The following OARD1 variants were observed in gnomAD, a reference collection of about 807,000 sequenced individuals.
OARD1 encodes O-acyl-ADP-ribose deacylase 1, also known as ADP-ribose glycohydrolase OARD1.
A neutral mutation model predicts 19.7 loss-of-function variants in OARD1; 19 were observed. The ratio of observed to expected loss-of-function variants is 0.96; its 90% CI spans 0.67 to 1.41. OARD1 has a LOEUF of 1.41. Ranked by LOEUF, OARD1 falls within the 40% of genes most tolerant of loss-of-function variation. The pLI is 0.00. For synonymous variants in OARD1, 70 were observed against 61.8 expected (o/e 1.13, Z -0.62); for missense variants, 190 against 183.8 (o/e 1.03, Z -0.20).
chr6:41,072,127 C>T, intron 1 of OARD1, 109 bp downstream of exon 1: 1 of 155,206 alleles, frequency 6.4e-6, no homozygotes, highest in Non-Finnish European at 1.4e-5. Context: ...GAGCCCCAGG[C>T]GTGGGGAAAG....
At chr6:41,090,124 T>A in intron 1 of OARD1, 4 of 676,514 alleles carry the variant, frequency 5.9e-6, no homozygotes, top group Admixed American at 5.8e-5. Context: ...AAAAAAATAA[T>A]TTTTTTTTTT....
intron 1 of OARD1, chr6:41,092,863 A>G (rs374109965): frequency 8.1e-5 from 125 of 1,551,166 alleles, no homozygotes; most frequent in Non-Finnish European, 8.9e-5. Flanking sequence ...AACTGTTTCT[A>G]TGTCCATACT....
At position 41,067,085 on chromosome 6, in the gene OARD1, G is replaced by C. The variant is rs1763048997; in HGVS notation, c.*250C>G. The C allele has an allele frequency of 3.8e-6, 1 of 260,344 alleles. No homozygotes were observed. The allele number at this position is 260,344 out of a possible 1,614,324, so 16.1% of individuals were successfully genotyped here. A position where few individuals can be genotyped will look rare whatever the true frequency, so the allele number is the denominator to read the frequency against. ...AAAAGGTCATAGTCCCGACAATCTG[G>C]TTTCCCTGCCTATTATCAAGCCACC... On this transcript the variant is annotated 3_prime_UTR_variant, in exon 6 of 6. Coordinates refer to ENST00000424266, the MANE Select transcript of OARD1 (RefSeq NM_001329686.2).
At chr6:41,089,680 C>T (rs1034215813) in intron 1 of OARD1, 10 of 1,612,594 alleles carry the variant, frequency 6.2e-6, no homozygotes, top group Non-Finnish European at 7.6e-6. Flanking sequence ...TCCAGCAGCC[C>T]CAGACGGCTG....
chr6:41,082,182 C>T (rs1346330939), intron 1 of OARD1, among the ~76,000 whole-genome samples: 1 of 152,168 alleles, frequency 6.6e-6, no homozygotes, highest in Non-Finnish European at 1.5e-5. Flanking sequence ...CTTTCAATCC[C>T]ACCCCTACCC....
At chr6:41,094,332 C>A in intron 1 of OARD1, 1 of 1,347,326 alleles carries the variant, frequency 7.4e-7, no homozygotes, top group Non-Finnish European at 1.1e-6. Flanking sequence ...GGAATTTGTG[C>A]ACTAGATAAC....
At chr6:41,087,972 G>A (rs1440914941) in intron 1 of OARD1, among the ~76,000 whole-genome samples, 2 of 152,112 alleles carry the variant, frequency 1.3e-5, no homozygotes, top group Non-Finnish European at 2.9e-5. Context: ...GGACCAAATA[G>A]GAGATACAAA....
chr6:41,096,914 A>C (rs1465376804), intron 1 of OARD1, among the ~76,000 whole-genome samples: 1 of 152,234 alleles, frequency 6.6e-6, no homozygotes, highest in African/African-American at 2.4e-5. Flanking sequence ...AAACGAGTAC[A>C]TTAAAGTGTA....
chr6:41,092,848 C>T, intron 1 of OARD1: 1 of 1,512,790 alleles, frequency 6.6e-7, no homozygotes, highest in African/African-American at 1.4e-5. Context: ...GAAGAGGAAC[C>T]AAGAAACTGT....
rs188332474 is a variant in OARD1 at position 41,081,264 on chromosome 6, C to T, written c.-41-9589G>A. The stretch of plus-strand genomic sequence containing the variant: ...CAGCACTTTGGGAGGCCGAGGCAGG[C>T]GGATCACGAGGTCAGGAGATCGAGA... On this transcript the variant is annotated intron_variant, in intron 1 of 4. Transcript: ENST00000480585. Among the ~76,000 whole-genome samples the T allele has an allele frequency of 2.8e-3, 430 of 152,156 alleles. 1 individual carries two copies. The highest frequency in any genetic ancestry group is 9.0e-3 in the African/African-American group (372 of 41,536).
At chr6:41,091,486 T>C in intron 1 of OARD1, 1 of 1,596,628 alleles carries the variant, frequency 6.3e-7, no homozygotes, top group Non-Finnish European at 8.6e-7. Context: ...TTCTGTTCTG[T>C]GTGCCTGTTT....
At chr6:41,071,742 G>C in intron 1 of OARD1, 67 bp from the exon 2 acceptor site, 1 of 879,582 alleles carries the variant, frequency 1.1e-6, no homozygotes, top group Non-Finnish European at 1.9e-6. Context: ...TGATTGCCCT[G>C]TACAACCACT....
chr6:41,088,393 A>G (rs935468410), intron 1 of OARD1, among the ~76,000 whole-genome samples: 2 of 141,626 alleles, frequency 1.4e-5, no homozygotes, highest in Non-Finnish European at 3.0e-5. Flanking sequence ...ACTGCACTCC[A>G]GCCTGAGCCA....
intron 5 of OARD1, 96 bp downstream of exon 5, chr6:41,068,745 T>C (rs1763158352): frequency 8.6e-6 from 6 of 696,086 alleles, no homozygotes; most frequent in South Asian, 5.1e-5. Context: ...TTTAAATCTA[T>C]ATTTTGGGTT....
chr6:41,088,556 G>A (rs1459869764), intron 1 of OARD1, among the ~76,000 whole-genome samples: 1 of 151,958 alleles, frequency 6.6e-6, no homozygotes, highest in Admixed American at 6.6e-5. Flanking sequence ...AGTCACATTT[G>A]ACTAGAGTAG....
intron 5 of OARD1, 71 bp downstream of exon 5, chr6:41,068,766 GTTGT>G (rs1763159513): frequency 1.2e-6 from 1 of 865,744 alleles, no homozygotes; most frequent in African/African-American, 1.7e-5. Context: ...AAGCTTTTAA[GTTGT>G]TTGTCTTTGG....
Position 41,070,139 on chromosome 6 carries a change from GA to G in OARD1, c.185-6del, listed in dbSNP as rs757664130. On this transcript the variant is annotated splice_polypyrimidine_tract_variant and splice_region_variant and intron_variant, in intron 3 of 5. Transcript: ENST00000424266. Reference sequence around the variant, plus strand: ...CCACTTCTCCAGATTTCTTTTCTAAGAAAAAGTTATTTAATAGTAGAAATGA... The same window carrying G: ...CCACTTCTCCAGATTTCTTTTCTAAGAAAAGTTATTTAATAGTAGAAATGA... 2.2e-4 allele frequency: 335 copies of G among 1,494,242 alleles called. No homozygotes were observed. The highest frequency in any genetic ancestry group is 4.0e-4 in the Admixed American group (22 of 55,318). 92.6% of individuals were successfully genotyped at this position (1,494,242 alleles called of 1,614,324 possible).
At chr6:41,083,447 A>G (rs1190480157) in intron 1 of OARD1, among the ~76,000 whole-genome samples, 2 of 152,230 alleles carry the variant, frequency 1.3e-5, no homozygotes, top group Non-Finnish European at 2.9e-5. Flanking sequence ...CAACAAACAT[A>G]TCTAGAATTC....
At chr6:41,080,719 GTC>G in intron 1 of OARD1, 2 of 1,038,772 alleles carry the variant, frequency 1.9e-6, no homozygotes, top group South Asian at 1.4e-5. Context: ...TCAGGCTTCC[GTC>G]TCTCTCCTCC....
Sources: allele counts gnomAD v4.1 joint callset (sites outside exome capture counted in the v4.1 genomes callset), GRCh38; gene constraint gnomAD v4.1.1; transcripts MANE v1.5; gene names NCBI Gene and HGNC (gene_info 2026-07-23, HGNC 2026-07-21).